The following MINDY2 variants were observed in gnomAD, a reference collection of about 807,000 sequenced individuals.
MINDY2 encodes MINDY lysine 48 deubiquitinase 2.
MINDY2 carries 52 observed loss-of-function variants against 68.2 expected under a neutral mutation model. The observed-to-expected ratio is 0.76, with a 90% CI of 0.61 to 0.96. MINDY2 has a LOEUF of 0.96. Ranked by LOEUF, MINDY2 falls within the 40% of genes least tolerant of loss-of-function variation. The probability of loss-of-function intolerance (pLI) is 0.00; values close to 1 mark genes in which losing one functional copy is unlikely to be tolerated. For synonymous variants in MINDY2, 372 were observed against 303.0 expected (o/e 1.23, Z -2.36); for missense variants, 881 against 773.4 (o/e 1.14, Z -1.65).
intron 5 of MINDY2, among the ~76,000 whole-genome samples, chr15:58,830,807 G>A (rs2031668441): frequency 6.6e-6 from 1 of 152,104 alleles, no homozygotes; most frequent in Non-Finnish European, 1.5e-5. Flanking sequence ...GAGAGCTGAA[G>A]CAAGAAGGCA....
chr15:58,774,492 G>GAAAAAA (rs11385535), intron 1 of MINDY2, among the ~76,000 whole-genome samples: 5 of 92,826 alleles, frequency 5.4e-5, no homozygotes, highest in East Asian at 3.0e-4. Flanking sequence ...CCCAAAAAAA[G>GAAAAAA]AAAAAAAAAA....
At position 58,802,402 on chromosome 15, in the gene MINDY2, A is replaced by G. The variant is rs548759982; in HGVS notation, c.963+25A>G. On this transcript the variant is annotated intron_variant, in intron 3 of 8. Coordinates refer to ENST00000559228, the MANE Select transcript of MINDY2 (RefSeq NM_001040450.3). Reference sequence around the variant, plus strand: ...GGTAATAAACAGTTTTTGTTAAAGTATATAATTTTAAAGTTTAAATATATA... The same window carrying G: ...GGTAATAAACAGTTTTTGTTAAAGTGTATAATTTTAAAGTTTAAATATATA... The G allele has an allele frequency of 1.9e-5, 28 of 1,457,614 alleles. No individual in the cohort carries two copies. In the African/African-American group the frequency reaches 3.9e-4, roughly 20 times the overall value. The allele number at this position is 1,457,614 out of a possible 1,614,324, so 90.3% of individuals were successfully genotyped here. A position where few individuals can be genotyped will look rare whatever the true frequency, so the allele number is the denominator to read the frequency against.
In MINDY2 at chr15:58,854,809, A is replaced by G. The variant is rs1210226598; in HGVS notation, c.*199A>G. ...TACACTCTTTATGAGCTGGAGTTTC[A>G]TGTTACAAGTTGGAAATGCTGTGTG... is the stretch of plus-strand genomic sequence containing the variant. On this transcript the variant is annotated 3_prime_UTR_variant, in exon 9 of 9. Coordinates refer to ENST00000559228, the MANE Select transcript of MINDY2 (RefSeq NM_001040450.3). The G allele has an allele frequency of 2.3e-6, 1 of 438,746 alleles. No homozygotes were observed. The highest frequency in any genetic ancestry group is 3.9e-6 in the Non-Finnish European group (1 of 257,400). The allele number at this position is 438,746 out of a possible 1,614,324, so 27.2% of individuals were successfully genotyped here.
At chr15:58,814,900 C>G (rs1377053110) in intron 4 of MINDY2, among the ~76,000 whole-genome samples, 1 of 151,044 alleles carries the variant, frequency 6.6e-6, no homozygotes, top group Non-Finnish European at 1.5e-5. Context: ...ACCTCAGCCT[C>G]TCAGAGTGCC....
At chr15:58,827,701 C>T (rs2031486080) in intron 5 of MINDY2, among the ~76,000 whole-genome samples, 1 of 152,110 alleles carries the variant, frequency 6.6e-6, no homozygotes. Context: ...ATTCTCCCGC[C>T]TCGTCCTCCC....
At chr15:58,809,590 C>T (rs2030077572) in intron 3 of MINDY2, among the ~76,000 whole-genome samples, 1 of 152,162 alleles carries the variant, frequency 6.6e-6, no homozygotes, top group Non-Finnish European at 1.5e-5. Flanking sequence ...TAGGAGAGGC[C>T]TTCTTCCTCT....
At position 58,855,855 on chromosome 15, in the gene MINDY2, G is replaced by A. The variant is rs1382077795; in HGVS notation, c.*1245G>A. 1 of 152,400 alleles carries A rather than the reference G, an allele frequency of 6.6e-6. No homozygotes were observed. Among genetic ancestry groups the A allele is most frequent in the Non-Finnish European group, 1.5e-5 (1 of 68,070 alleles). The allele number at this position is 152,400 out of a possible 1,614,324, so 9.4% of individuals were successfully genotyped here. A position where few individuals can be genotyped will look rare whatever the true frequency, so the allele number is the denominator to read the frequency against. On this transcript the variant is annotated 3_prime_UTR_variant, in exon 9 of 9. Transcript: ENST00000559228. Reference sequence around the variant, plus strand: ...GAATTGCTTGAACCCGGCAGGCAGAGGTTGCAGTGAGCCGAGATCGCCCTG... The same window carrying A: ...GAATTGCTTGAACCCGGCAGGCAGAAGTTGCAGTGAGCCGAGATCGCCCTG...
At chr15:58,779,322 C>T (rs1211925506) in intron 1 of MINDY2, among the ~76,000 whole-genome samples, 5 of 152,244 alleles carry the variant, frequency 3.3e-5, no homozygotes, top group Non-Finnish European at 5.9e-5. Flanking sequence ...GTCTCATCAC[C>T]TGCAAAGTGA....
intron 7 of MINDY2, among the ~76,000 whole-genome samples, chr15:58,850,600 A>G (rs1346517309): frequency 2.0e-5 from 3 of 152,158 alleles, no homozygotes; most frequent in African/African-American, 4.8e-5. Flanking sequence ...TTATTTATTT[A>G]TATATGAAAC....
chr15:58,839,432 A>T (rs1483594301), intron 6 of MINDY2, among the ~76,000 whole-genome samples: 2 of 152,008 alleles, frequency 1.3e-5, no homozygotes, highest in Non-Finnish European at 2.9e-5. Context: ...CCCCGGTTCA[A>T]GTGATTCTCC....
Position 58,855,782 on chromosome 15 carries a change from C to T in MINDY2, c.*1172C>T, listed in dbSNP as rs2033041063. The stretch of plus-strand genomic sequence containing the variant: ...CTAAAAATACAAAAAATCAGCCTGG[C>T]ATGGTGGTGCGTGCCTGTAGTCCCA... On this transcript the variant is annotated 3_prime_UTR_variant, in exon 9 of 9. Transcript: ENST00000559228. 2 of 152,160 alleles carry T rather than the reference C, an allele frequency of 1.3e-5. No homozygotes were observed. Among genetic ancestry groups the T allele is most frequent in the Non-Finnish European group, 2.9e-5 (2 of 68,056 alleles). The allele number at this position is 152,160 out of a possible 1,614,324, so 9.4% of individuals were successfully genotyped here.
At chr15:58,795,045 G>T (rs935980416) in intron 2 of MINDY2, among the ~76,000 whole-genome samples, 3 of 151,964 alleles carry the variant, frequency 2.0e-5, no homozygotes, top group Non-Finnish European at 4.4e-5. Context: ...GCGTGGTGGC[G>T]GGCGCCTGTA....
chr15:58,826,314 C>T (rs751474529), intron 5 of MINDY2, among the ~76,000 whole-genome samples: 16 of 147,530 alleles, frequency 1.1e-4, no homozygotes, highest in Non-Finnish European at 1.8e-4. Context: ...ACCACAACCT[C>T]TGCCTCCCAG....
intron 4 of MINDY2, chr15:58,815,673 C>CT (rs538005830): frequency 7.8e-4 from 118 of 151,832 alleles, no homozygotes; most frequent in African/African-American, 2.8e-3. Context: ...TTATTTCCTT[C>CT]TTTTTCTTTT....
intron 6 of MINDY2, 41 bp from the exon 7 acceptor site, chr15:58,847,256 T>A: frequency 6.8e-7 from 1 of 1,464,228 alleles, no homozygotes; most frequent in Non-Finnish European, 9.2e-7. Flanking sequence ...CTAGTTTTGA[T>A]CAATTTAACA....
chr15:58,788,067 T>C (rs1901628975), intron 2 of MINDY2, 104 bp downstream of exon 2: 1 of 706,308 alleles, frequency 1.4e-6, no homozygotes, highest in African/African-American at 1.9e-5. Flanking sequence ...TATAATCTAT[T>C]TTAAAATTAT....
intron 3 of MINDY2, among the ~76,000 whole-genome samples, chr15:58,805,894 T>C (rs532016179): frequency 1.3e-5 from 2 of 152,146 alleles, no homozygotes; most frequent in Admixed American, 1.3e-4. Context: ...GCTAACACAG[T>C]GAAACCCCAT....
intron 8 of MINDY2, among the ~76,000 whole-genome samples, chr15:58,853,386 G>T (rs1453881041): frequency 1.3e-5 from 2 of 152,034 alleles, no homozygotes; most frequent in Non-Finnish European, 2.9e-5. Flanking sequence ...TCTATTTCTA[G>T]CTCAAATATT....
chr15:58,795,606 G>T (rs1295494711), intron 2 of MINDY2, among the ~76,000 whole-genome samples: 1 of 151,926 alleles, frequency 6.6e-6, no homozygotes, highest in Admixed American at 6.6e-5. Context: ...GGGTTTCACC[G>T]TGTTAGCCAG....
Sources: gnomAD v4.1 joint callset for allele counts (sites outside exome capture counted in the v4.1 genomes callset) on GRCh38, gnomAD v4.1.1 for gene constraint, MANE v1.5 for transcripts, NCBI Gene and HGNC (gene_info 2026-07-23, HGNC 2026-07-21) for gene names.